The following MVB12B variants were observed in gnomAD, a reference collection of about 807,000 sequenced individuals.
MVB12B encodes the protein multivesicular body subunit 12B.
MVB12B carries 16 observed loss-of-function variants against 41.6 expected under a neutral mutation model. The observed-to-expected ratio is 0.38, with a 90% CI of 0.26 to 0.58. The LOEUF (loss-of-function observed/expected upper bound fraction) is 0.58. Among genes scored for constraint, MVB12B ranks in the 20% least tolerant of loss-of-function variants. The pLI is 0.62. For missense variants in MVB12B, 274 were observed against 380.2 expected, an observed-to-expected ratio of 0.72 and a Z score of 2.32; for synonymous variants, 133 against 139.7, an observed-to-expected ratio of 0.95 and a Z score of 0.34.
At chr9:126,358,573 G>A (rs940837383) in intron 2 of MVB12B, among the ~76,000 whole-genome samples, 5 of 151,998 alleles carry the variant, frequency 3.3e-5, no homozygotes, top group African/African-American at 7.3e-5. Flanking sequence ...TATTGTAAAT[G>A]GTATTTATTT....
chr9:126,460,544 T>G (rs1833068280), intron 7 of MVB12B, among the ~76,000 whole-genome samples: 1 of 151,990 alleles, frequency 6.6e-6, no homozygotes, highest in African/African-American at 2.4e-5. Context: ...CTCTATCCCC[T>G]GTGTAGAGAT....
intron 2 of MVB12B, among the ~76,000 whole-genome samples, chr9:126,347,789 T>C (rs965597170): frequency 6.6e-6 from 1 of 152,252 alleles, no homozygotes; most frequent in Non-Finnish European, 1.5e-5. Flanking sequence ...TAAAAACATA[T>C]GGCAGATATC....
At chr9:126,502,980 C>T (rs28537902) in intron 9 of MVB12B, among the ~76,000 whole-genome samples, 197 bp from the exon 10 acceptor site, 40,088 of 152,138 alleles carry the variant, frequency 0.26, 5,364 homozygotes, top group South Asian at 0.29. Context: ...GGCGTGTCCA[C>T]GCACACACGC....
rs1402900084 is a variant in MVB12B, at chr9:126,392,476, T to C, written c.539+281T>C. ...CTTCCCCGACACCCTGTGATGCCAC[T>C]GGCCTCAGCTCTTCACACTCGTTAT... On this transcript the variant is annotated intron_variant, in intron 5 of 9. Coordinates refer to ENST00000361171, the MANE Select transcript of MVB12B (RefSeq NM_033446.3). The surrounding 1 kb of genome is among the most constrained non-coding windows in gnomAD (Gnocchi z 4.8). Among the ~76,000 whole-genome samples, 3 of 152,212 alleles carry C rather than the reference T, an allele frequency of 2.0e-5. No individual in the cohort carries two copies. The highest frequency in any genetic ancestry group is 7.2e-5 in the African/African-American group (3 of 41,446).
chr9:126,458,416 T>C (rs1291376469), intron 7 of MVB12B, among the ~76,000 whole-genome samples: 3 of 152,242 alleles, frequency 2.0e-5, no homozygotes, highest in Admixed American at 6.5e-5. Flanking sequence ...GGGGGCTTTC[T>C]GACCCCTGGC....
At chr9:126,384,701 G>GT (rs1208920407) in intron 3 of MVB12B, among the ~76,000 whole-genome samples, 5 of 150,914 alleles carry the variant, frequency 3.3e-5, no homozygotes, top group Admixed American at 6.6e-5. Flanking sequence ...GCTAATTTTT[G>GT]TATTTTTTTT....
rs920666471 is a variant in MVB12B at position 126,460,164 on chromosome 9, G to C, written c.758-21205G>C. On this transcript the variant is annotated intron_variant, in intron 7 of 9. Transcript: ENST00000361171. ...CTCTGCCCAGCTGCTCTTGCTGGCT[G>C]TAGTTCTGCTCAGACCTCCTCGGCA... Among the ~76,000 whole-genome samples, 8 of 152,118 alleles carry C rather than the reference G, an allele frequency of 5.3e-5. 1 individual carries two copies. The highest frequency in any genetic ancestry group is 5.2e-4 in the Admixed American group (8 of 15,288).
At chr9:126,418,289 G>A (rs1038835394) in intron 6 of MVB12B, among the ~76,000 whole-genome samples, 3 of 152,150 alleles carry the variant, frequency 2.0e-5, no homozygotes, top group East Asian at 1.9e-4. Flanking sequence ...GTTTGGTCCC[G>A]GACATCAGTA....
In MVB12B at chr9:126,396,830, A is replaced by T. The variant is rs1831128559; in HGVS notation, c.662+1133A>T. 3.0e-6 allele frequency: 3 copies of T among 985,372 alleles called. No individual in the cohort carries two copies. In the South Asian group the frequency reaches 1.4e-4, roughly 46 times the overall value. The allele number at this position is 985,372 out of a possible 1,614,324, so 61.0% of individuals were successfully genotyped here. On this transcript the variant is annotated intron_variant, in intron 6 of 9. Coordinates refer to ENST00000361171, the MANE Select transcript of MVB12B (RefSeq NM_033446.3). The stretch of plus-strand genomic sequence containing the variant: ...GTTTCATTTGGCATAAAAAGATAGG[A>T]ATCTCTAATAAGCCTCCCAGAGTTG...
intron 7 of MVB12B, among the ~76,000 whole-genome samples, chr9:126,435,081 C>CTT (rs113103765): frequency 2.3e-4 from 33 of 146,260 alleles, no homozygotes; most frequent in Middle Eastern, 3.5e-3. Context: ...AGTCTGTTTT[C>CTT]TTTTTTTTTT....
intron 2 of MVB12B, among the ~76,000 whole-genome samples, chr9:126,371,546 T>C (rs1830339405): frequency 6.6e-6 from 1 of 152,154 alleles, no homozygotes; most frequent in Non-Finnish European, 1.5e-5. Context: ...AGCCATCCCC[T>C]CTGTGCCTGG....
At chr9:126,466,829 AT>A (rs35685129) in intron 7 of MVB12B, among the ~76,000 whole-genome samples, 4,261 of 147,786 alleles carry the variant, frequency 0.029, 153 homozygotes, top group African/African-American at 0.086. Flanking sequence ...GGGAAATCAG[AT>A]TTTTTTTTTT....
intron 7 of MVB12B, among the ~76,000 whole-genome samples, chr9:126,435,972 C>T (rs1476437766): frequency 6.6e-6 from 1 of 152,192 alleles, no homozygotes; most frequent in Non-Finnish European, 1.5e-5. Flanking sequence ...TTAATGAGGA[C>T]AGACATTTTA....
At chr9:126,401,785 G>A (rs1831275961) in intron 6 of MVB12B, among the ~76,000 whole-genome samples, 1 of 152,256 alleles carries the variant, frequency 6.6e-6, no homozygotes, top group Non-Finnish European at 1.5e-5. Context: ...TGGACATGGG[G>A]ATCAACTCCA....
chr9:126,372,639 C>T (rs371179834), intron 2 of MVB12B, among the ~76,000 whole-genome samples: 2 of 152,174 alleles, frequency 1.3e-5, no homozygotes, highest in East Asian at 3.8e-4. Flanking sequence ...CTCATTTAAT[C>T]CTTACAAATA....
intron 6 of MVB12B, among the ~76,000 whole-genome samples, chr9:126,412,046 C>T (rs1175409740): frequency 6.6e-6 from 1 of 152,124 alleles, no homozygotes; most frequent in Non-Finnish European, 1.5e-5. Flanking sequence ...ATAAGGTTCC[C>T]CAAACTGTCA....
chr9:126,394,152 AATT>A (rs1831038751), intron 5 of MVB12B, among the ~76,000 whole-genome samples: 1 of 152,216 alleles, frequency 6.6e-6, no homozygotes, highest in East Asian at 1.9e-4. Flanking sequence ...GGTTTACACT[AATT>A]ATGTAAACAG....
At chr9:126,384,976 A>G (rs1830739105) in intron 3 of MVB12B, among the ~76,000 whole-genome samples, 1 of 151,040 alleles carries the variant, frequency 6.6e-6, no homozygotes, top group Non-Finnish European at 1.5e-5. Flanking sequence ...AGCTGGGACT[A>G]CATGCATGAG....
chr9:126,402,580 T>C (rs1212524087), intron 6 of MVB12B, among the ~76,000 whole-genome samples: 1 of 152,174 alleles, frequency 6.6e-6, no homozygotes, highest in African/African-American at 2.4e-5. Context: ...AAATCAAGGC[T>C]GCAGTGAGCT....
Sources: gnomAD v4.1 joint callset for allele counts (sites outside exome capture counted in the v4.1 genomes callset) on GRCh38, gnomAD v4.1.1 for gene constraint, Gnocchi (gnomAD v3.1) non-coding constraint, MANE v1.5 for transcripts, NCBI Gene and HGNC (gene_info 2026-07-23, HGNC 2026-07-21) for gene names.